Variants in DPYD observed in about 807,000 individuals in gnomAD.
The protein encoded by DPYD is dihydropyrimidine dehydrogenase.
DPYD carries 109 observed loss-of-function variants against 116.2 expected under a neutral mutation model. The observed-to-expected ratio is 0.94, with a 90% CI of 0.80 to 1.10. DPYD has a LOEUF of 1.10. Ranked by LOEUF, DPYD falls within the 50% of genes least tolerant of loss-of-function variation. The pLI is 0.00. For synonymous variants in DPYD, 440 were observed against 432.0 expected, an observed-to-expected ratio of 1.02 and a Z score of -0.23; for missense variants, 1,302 against 1,254.5, an observed-to-expected ratio of 1.04 and a Z score of -0.57.
intron 18 of DPYD, among the ~76,000 whole-genome samples, chr1:97,260,931 A>C (rs1160177923): frequency 6.6e-6 from 1 of 152,148 alleles, no homozygotes; most frequent in Non-Finnish European, 1.5e-5. Context: ...TAAGTACAAA[A>C]TCAGATAAAT....
intron 14 of DPYD, among the ~76,000 whole-genome samples, chr1:97,425,931 G>A (rs1674840155): frequency 6.7e-6 from 1 of 148,460 alleles, no homozygotes; most frequent in Non-Finnish European, 1.5e-5. Flanking sequence ...TATAATCAAA[G>A]AAGAAAGTAA....
chr1:97,514,045 C>T (rs749946565), intron 13 of DPYD, among the ~76,000 whole-genome samples: 11 of 151,762 alleles, frequency 7.2e-5, no homozygotes, highest in Non-Finnish European at 1.3e-4. Context: ...TCCAAAAAAC[C>T]CCGCATGGTT....
intron 3 of DPYD, among the ~76,000 whole-genome samples, chr1:97,758,060 G>A (rs1451802707): frequency 6.6e-6 from 1 of 152,032 alleles, no homozygotes; most frequent in Non-Finnish European, 1.5e-5. Context: ...TTCAGTCATA[G>A]GGCAATCAAA....
intron 1 of DPYD, among the ~76,000 whole-genome samples, chr1:97,919,194 A>G (rs1571585529): frequency 6.6e-6 from 1 of 152,220 alleles, no homozygotes; most frequent in African/African-American, 2.4e-5. Context: ...GAAAGATGTT[A>G]CTGATTAAAG....
chr1:97,127,997 T>A (rs1247146319), intron 20 of DPYD, among the ~76,000 whole-genome samples: 1 of 152,166 alleles, frequency 6.6e-6, no homozygotes, highest in Non-Finnish European at 1.5e-5. Flanking sequence ...GTTGAGTGCT[T>A]AATAAATGTG....
At chr1:97,246,545 A>C (rs1256712867) in intron 18 of DPYD, among the ~76,000 whole-genome samples, 1 of 152,148 alleles carries the variant, frequency 6.6e-6, no homozygotes, top group African/African-American at 2.4e-5. Flanking sequence ...TTTGGGAACA[A>C]GGTGAGAAAA....
chr1:97,350,058 CAGTGAG>C (rs1329577305), intron 16 of DPYD, among the ~76,000 whole-genome samples: 23 of 151,578 alleles, frequency 1.5e-4, no homozygotes, highest in Admixed American at 9.9e-4. Flanking sequence ...AAGCAAAATT[CAGTGAG>C]AGAAACCAGT....
At chr1:97,520,632 C>G (rs141629739) in intron 12 of DPYD, among the ~76,000 whole-genome samples, 3 of 151,986 alleles carry the variant, frequency 2.0e-5, no homozygotes, top group African/African-American at 7.2e-5. Context: ...CCTAACCCCC[C>G]ACTCCCCAAC....
chr1:97,214,252 A>G (rs1261882816), intron 19 of DPYD, among the ~76,000 whole-genome samples: 1 of 152,140 alleles, frequency 6.6e-6, no homozygotes, highest in Non-Finnish European at 1.5e-5. Flanking sequence ...ATATGGTAAA[A>G]CTATTATAAA....
chr1:97,145,306 C>T (rs1008555419), intron 20 of DPYD, among the ~76,000 whole-genome samples: 3 of 152,122 alleles, frequency 2.0e-5, no homozygotes, highest in African/African-American at 7.2e-5. Flanking sequence ...AATCCATGCT[C>T]AAAGGCCGTC....
intron 20 of DPYD, among the ~76,000 whole-genome samples, chr1:97,174,987 T>A (rs1163660124): frequency 6.6e-6 from 1 of 152,206 alleles, no homozygotes; most frequent in African/African-American, 2.4e-5. Context: ...TGCTCTTTTG[T>A]GTCTGGTTTC....
chr1:97,711,754 T>G (rs1662297556), intron 5 of DPYD, among the ~76,000 whole-genome samples: 1 of 148,538 alleles, frequency 6.7e-6, no homozygotes, highest in East Asian at 1.9e-4. Context: ...TAAGAGTTTT[T>G]TATTATTATT....
chr1:97,829,190 T>C (rs1447912025), intron 2 of DPYD, among the ~76,000 whole-genome samples: 2 of 151,882 alleles, frequency 1.3e-5, no homozygotes, highest in African/African-American at 4.8e-5. Context: ...AGTATTAATA[T>C]GTTCTTTCTA....
intron 19 of DPYD, among the ~76,000 whole-genome samples, chr1:97,197,383 TTACTA>T (rs1233034611): frequency 1.3e-5 from 2 of 152,178 alleles, no homozygotes; most frequent in African/African-American, 4.8e-5. Flanking sequence ...TGGGTATACT[TTACTA>T]TAGTCTTAAA....
At chr1:97,459,197 T>C (rs1046760184) in intron 13 of DPYD, among the ~76,000 whole-genome samples, 3 of 152,048 alleles carry the variant, frequency 2.0e-5, no homozygotes, top group African/African-American at 7.2e-5. Context: ...AATTAAAACC[T>C]AATGGTTTGG....
intron 18 of DPYD, among the ~76,000 whole-genome samples, chr1:97,273,405 A>G (rs1431220591): frequency 1.3e-5 from 2 of 152,158 alleles, no homozygotes. Context: ...CTCTTCATCT[A>G]TACTCCAACT....
chr1:97,904,477 T>C (rs763093479), intron 1 of DPYD, among the ~76,000 whole-genome samples: 31 of 151,918 alleles, frequency 2.0e-4, no homozygotes, highest in Non-Finnish European at 4.0e-4. Flanking sequence ...AGTAGATAGA[T>C]TTACAAAGAA....
At chr1:97,291,934 A>G (rs1666207163) in intron 18 of DPYD, among the ~76,000 whole-genome samples, 1 of 152,176 alleles carries the variant, frequency 6.6e-6, no homozygotes, top group African/African-American at 2.4e-5. Flanking sequence ...CCTACCAAAG[A>G]TATATATTTT....
At chr1:97,592,067 T>C (rs1654557815) in intron 10 of DPYD, among the ~76,000 whole-genome samples, 1 of 152,196 alleles carries the variant, frequency 6.6e-6, no homozygotes, top group Non-Finnish European at 1.5e-5. Flanking sequence ...ATGTGGGTAA[T>C]CTACATATGA....
Sources: gnomAD v4.1 joint callset for allele counts (sites outside exome capture counted in the v4.1 genomes callset) on GRCh38, gnomAD v4.1.1 for gene constraint, MANE v1.5 for transcripts, NCBI Gene and HGNC (gene_info 2026-07-23, HGNC 2026-07-21) for gene names.